Variants in RPRD2 observed in about 807,000 individuals in gnomAD.
RPRD2 encodes regulation of nuclear pre-mRNA domain-containing protein 2.
In RPRD2, 12 loss-of-function variants were observed where a neutral mutation model predicts 104.4. The ratio of observed to expected loss-of-function variants is 0.11; its 90% CI spans 0.07 to 0.19. The LOEUF is 0.19. Ranked by LOEUF, RPRD2 falls within the 10% of genes least tolerant of loss-of-function variation. The pLI is 1.00. For synonymous variants in RPRD2, 714 were observed against 684.9 expected (o/e 1.04, Z -0.66); for missense variants, 1,543 against 1,790.1 (o/e 0.86, Z 2.49).
chr1:150,452,421 A>T (rs1390976295), intron 7 of RPRD2, among the ~76,000 whole-genome samples: 2 of 152,286 alleles, frequency 1.3e-5, no homozygotes, highest in African/African-American at 4.8e-5. Context: ...GTACTTAATT[A>T]ACCACTGCCC....
intron 1 of RPRD2, among the ~76,000 whole-genome samples, chr1:150,390,006 C>T (rs1456702695): frequency 6.6e-6 from 1 of 152,096 alleles, no homozygotes; most frequent in African/African-American, 2.4e-5. Context: ...TGACTCTCTG[C>T]CAGAGTAAAT....
In RPRD2 at chr1:150,446,323, A is replaced by G. The variant is rs1666770452; in HGVS notation, c.792A>G (p.Gly264=). ...GATTAGATAAGCAGGTGAAAAACGG[A>G]CCCTCATTAACAGAAGCACTGGAAA... ...VNGLDKQVKN[G]PSLTEALENA... The change falls in exon 7 of 11, where the codon GGA becomes GGG. Residue 264 remains glycine, a synonymous_variant. Transcript: ENST00000369068. 1 of 1,612,770 alleles carries G rather than the reference A, an allele frequency of 6.2e-7. No homozygotes were observed. The highest frequency in any genetic ancestry group is 8.5e-7 in the Non-Finnish European group (1 of 1,179,676).
intron 1 of RPRD2, among the ~76,000 whole-genome samples, chr1:150,412,997 A>T (rs1031952905): frequency 1.4e-5 from 2 of 141,928 alleles, no homozygotes; most frequent in Non-Finnish European, 3.1e-5. Flanking sequence ...GAAGGAAGAT[A>T]AAAAAAAGAA....
Position 150,417,660 on chromosome 1 carries a change from GA to G in RPRD2, c.275del (p.Asn92MetfsTer19). ...ATGATGTCATACAGAACTGTAAAAG[GA>G]AAAATGCAATCATATTCCGTGAATC... is the stretch of plus-strand genomic sequence containing the variant. ...ANDVIQNCKR[K>X]NAIIFRESFA... On this transcript the variant is annotated frameshift_variant, in exon 2 of 11. Coordinates refer to ENST00000369068, the MANE Select transcript of RPRD2 (RefSeq NM_015203.5). LOFTEE classifies it high-confidence loss of function. The G allele has an allele frequency of 6.2e-7, 1 of 1,609,130 alleles. No homozygotes were observed. The highest frequency in any genetic ancestry group is 2.2e-5 in the East Asian group (1 of 44,740).
At chr1:150,432,596 G>A in intron 2 of RPRD2, among the ~76,000 whole-genome samples, 1 of 138,416 alleles carries the variant, frequency 7.2e-6, no homozygotes, top group Admixed American at 7.8e-5. Flanking sequence ...CACACTTTAT[G>A]TTACATATAT....
chr1:150,451,491 C>T (rs6672808), intron 7 of RPRD2, among the ~76,000 whole-genome samples: 45,159 of 151,256 alleles, frequency 0.3, 8,157 homozygotes, highest in Non-Finnish European at 0.4. Context: ...TGGCTAACAT[C>T]GTGAAACCCC....
chr1:150,465,391 T>C (rs1230242896), intron 10 of RPRD2, among the ~76,000 whole-genome samples: 2 of 152,238 alleles, frequency 1.3e-5, no homozygotes, highest in African/African-American at 4.8e-5. Context: ...GTGCTAGGAT[T>C]ACAGGCGTGA....
In RPRD2 at chr1:150,364,181, A is replaced by G. The variant is rs1471175032; in HGVS notation, c.-534A>G. 1.3e-5 allele frequency among the ~76,000 whole-genome samples: 2 copies of G among 152,160 alleles called. No individual in the cohort carries two copies. Among genetic ancestry groups the G allele is most frequent in the East Asian group, 3.9e-4 (2 of 5,182 alleles). On this transcript the variant is annotated 5_prime_UTR_variant, in exon 1 of 11. Coordinates refer to ENST00000369068, the MANE Select transcript of RPRD2 (RefSeq NM_015203.5). ...GCCCCTTTGCTGCTATTGCGTTGCA[A>G]AAAAAATCCTGACTAGGTAGCCTTG...
intron 1 of RPRD2, among the ~76,000 whole-genome samples, chr1:150,401,311 A>G (rs1345302365): frequency 6.6e-6 from 1 of 152,104 alleles, no homozygotes; most frequent in Non-Finnish European, 1.5e-5. Context: ...AACATGGTGA[A>G]ACCCTGTCTC....
rs753597718 is a variant in RPRD2 at position 150,472,939 on chromosome 1, C to G, written c.3991C>G (p.Leu1331Val). 1.2e-6 allele frequency: 2 copies of G among 1,613,704 alleles called. No homozygotes were observed. Among genetic ancestry groups the G allele is most frequent in the South Asian group, 2.2e-5 (2 of 91,050 alleles). The change falls in exon 11 of 11, where the codon CTC becomes GTC. Residue 1331 changes from leucine (L) to valine (V), a missense_variant. Physicochemically the swap from Leu to Val is conservative, Grantham distance 32. Coordinates refer to ENST00000369068, the MANE Select transcript of RPRD2 (RefSeq NM_015203.5). ...VAVFPKDHSS[L>V]LQGTLAEHFG... Reference sequence around the variant, plus strand: ...AGTATTTCCCAAGGACCATAGTTCCCTCCTTCAAGGGACCCTGGCTGAGCA... The same window carrying G: ...AGTATTTCCCAAGGACCATAGTTCCGTCCTTCAAGGGACCCTGGCTGAGCA...
chr1:150,473,346 G>A lies in RPRD2; in HGVS notation c.*12G>A. 5.7e-6 allele frequency: 9 copies of A among 1,591,252 alleles called. No individual in the cohort carries two copies. Among genetic ancestry groups the A allele is most frequent in the Non-Finnish European group, 6.8e-6 (8 of 1,169,180 alleles). The stretch of plus-strand genomic sequence containing the variant: ...CTCCCAGGTACTGATGGAAACCAAG[G>A]GAAAGGCATTTTGAACAGTCTAGAG... On this transcript the variant is annotated 3_prime_UTR_variant, in exon 11 of 11. Transcript: ENST00000369068.
At chr1:150,394,871 G>A (rs2102192815) in intron 1 of RPRD2, among the ~76,000 whole-genome samples, 1 of 152,294 alleles carries the variant, frequency 6.6e-6, no homozygotes, top group East Asian at 1.9e-4. Context: ...GTGAGCCACA[G>A]CGCCTGGCCA....
At chr1:150,405,881 G>T (rs1183570452) in intron 1 of RPRD2, among the ~76,000 whole-genome samples, 3 of 152,100 alleles carry the variant, frequency 2.0e-5, no homozygotes, top group African/African-American at 7.2e-5. Context: ...GACCGCCAGG[G>T]TATTGCAGTG....
chr1:150,382,004 T>C (rs922975158), intron 1 of RPRD2, among the ~76,000 whole-genome samples: 1 of 152,214 alleles, frequency 6.6e-6, no homozygotes, highest in South Asian at 2.1e-4. Flanking sequence ...AATAAGATGC[T>C]TCATATGAAG....
At chr1:150,391,328 TA>T (rs1234060723) in intron 1 of RPRD2, among the ~76,000 whole-genome samples, 1 of 152,186 alleles carries the variant, frequency 6.6e-6, no homozygotes, top group Non-Finnish European at 1.5e-5. Flanking sequence ...TTCATTTATT[TA>T]TTTTTGTAGA....
At chr1:150,469,955 T>C (rs1668496928) in intron 10 of RPRD2, among the ~76,000 whole-genome samples, 1 of 152,154 alleles carries the variant, frequency 6.6e-6, no homozygotes, top group Non-Finnish European at 1.5e-5. Flanking sequence ...GTTGAAAGCA[T>C]TGTTTTTCAA....
At chr1:150,403,227 C>G (rs1663194461) in intron 1 of RPRD2, among the ~76,000 whole-genome samples, 1 of 152,120 alleles carries the variant, frequency 6.6e-6, no homozygotes, top group Non-Finnish European at 1.5e-5. Context: ...TTAATACTTG[C>G]ATACATATAT....
intron 1 of RPRD2, among the ~76,000 whole-genome samples, chr1:150,397,933 A>G (rs1419056757): frequency 6.6e-6 from 1 of 151,908 alleles, no homozygotes; most frequent in Non-Finnish European, 1.5e-5. Context: ...TTCTGTTTTT[A>G]GTAGAGATGG....
rs372805678 is a variant in RPRD2, at chr1:150,476,013, C to G, written c.*2679C>G. 1.3e-5 allele frequency: 2 copies of G among 152,130 alleles called. No homozygotes were observed. The highest frequency in any genetic ancestry group is 2.4e-5 in the African/African-American group (1 of 41,426). 9.4% of individuals were successfully genotyped at this position (152,130 alleles called of 1,614,324 possible). On this transcript the variant is annotated 3_prime_UTR_variant, in exon 11 of 11. Transcript: ENST00000369068. The stretch of plus-strand genomic sequence containing the variant: ...GGTAGGGGTTGTGAATACACTAGTA[C>G]CACTTAAAGTTCAGTGATACAGTTC...
Sources: allele counts gnomAD v4.1 joint callset (sites outside exome capture counted in the v4.1 genomes callset), GRCh38; gene constraint gnomAD v4.1.1; transcripts MANE v1.5; gene names NCBI Gene and HGNC (gene_info 2026-07-23, HGNC 2026-07-21).